FADS6: variants seen among roughly 807,000 people sequenced by gnomAD.
FADS6 encodes fatty acid desaturase domain family, member 6.
Under a neutral mutation model 31.7 loss-of-function variants are expected in FADS6, and 28 were observed. The observed-to-expected ratio is 0.88, with a 90% confidence interval of 0.66 to 1.21. The LOEUF (loss-of-function observed/expected upper bound fraction) is 1.21, where lower values mean the gene tolerates loss of function less well. Ranked by LOEUF, FADS6 falls within the 50% of genes most tolerant of loss-of-function variation. The pLI, the probability that FADS6 is intolerant of heterozygous loss-of-function variation, is 0.00. For synonymous variants in FADS6, 191 were observed against 213.1 expected (o/e 0.90, Z 0.90); for missense variants, 494 against 504.2 (o/e 0.98, Z 0.19).
In FADS6 at chr17:74,879,490, G is replaced by A; in HGVS notation, c.874C>T (p.Leu292=). ...GVLNLARLPV[L]DWAFGHSIIS... is the part of the protein sequence containing the mutation. ...ATCGAGTGGCCGAACGCCCAGTCCAGCACGGGCAGCCGGGCCAGGTTAAGC... is the reference window on the plus strand; with the variant it reads ...ATCGAGTGGCCGAACGCCCAGTCCAACACGGGCAGCCGGGCCAGGTTAAGC... Residue 292 remains leucine (L), a synonymous_variant, in exon 5 of 6, where the codon CTG becomes TTG. Coordinates refer to ENST00000612771, the MANE Select transcript of FADS6 (RefSeq NM_178128.6). 1 of 1,613,900 alleles carries A rather than the reference G, an allele frequency of 6.2e-7. No homozygotes were observed. Among genetic ancestry groups the A allele is most frequent in the African/African-American group, 1.3e-5 (1 of 75,028 alleles).
chr17:74,892,748 A>G (rs1455984327), intron 1 of FADS6, 59 bp from the exon 2 acceptor site: 6 of 1,505,174 alleles, frequency 4.0e-6, no homozygotes, highest in Non-Finnish European at 5.4e-6. Flanking sequence ...TCTGGGCCCA[A>G]ATACCTCAAC....
intron 1 of FADS6, 148 bp from the exon 2 acceptor site, chr17:74,892,837 G>A (rs1296877188): frequency 1.3e-6 from 1 of 766,968 alleles, no homozygotes; most frequent in African/African-American, 1.8e-5. Context: ...GTCCCACTGT[G>A]GCCTGAGGGG....
chr17:74,893,515 A>T lies in FADS6; in HGVS notation c.81T>A (p.Pro27=). ...EPMEPTEPME[P]TEPMEPARSA... ...TCCGCGCCGGTTCCATGGGCTCCGTAGGTTCCATGGGCTCCGTAGGTTCCA... is the reference window on the plus strand; with the variant it reads ...TCCGCGCCGGTTCCATGGGCTCCGTTGGTTCCATGGGCTCCGTAGGTTCCA... The change falls in exon 1 of 6, where the codon CCT becomes CCA. Residue 27 remains proline (P), a synonymous_variant. Coordinates refer to ENST00000612771, the MANE Select transcript of FADS6 (RefSeq NM_178128.6). 1 of 1,558,928 alleles carries T rather than the reference A, an allele frequency of 6.4e-7. No individual in the cohort carries two copies. Among genetic ancestry groups the T allele is most frequent in the Non-Finnish European group, 8.7e-7 (1 of 1,155,224 alleles).
chr17:74,881,776 G>A (rs34341432), intron 3 of FADS6, among the ~76,000 whole-genome samples: 14,759 of 150,200 alleles, frequency 0.098, 1,178 homozygotes, highest in African/African-American at 0.23. Context: ...AAGAAACAAA[G>A]AAAGAAACAG....
intron 3 of FADS6, among the ~76,000 whole-genome samples, chr17:74,882,243 A>G (rs1189711016): frequency 6.6e-6 from 1 of 152,182 alleles, no homozygotes; most frequent in Non-Finnish European, 1.5e-5. Flanking sequence ...GACCCTGCAA[A>G]ACATTTTTAT....
rs1416494041 is a variant in FADS6, at chr17:74,877,568, C to T, written c.*763G>A. On this transcript the variant is annotated 3_prime_UTR_variant, in exon 6 of 6. Transcript: ENST00000612771. ...CAGGGTGGTCTCGAGCTCCTGATCTCGCGATCCACCCGCCTTGGCCTCCCA... is the reference window on the plus strand; with the variant it reads ...CAGGGTGGTCTCGAGCTCCTGATCTTGCGATCCACCCGCCTTGGCCTCCCA... 1.5e-5 allele frequency: 7 copies of T among 456,690 alleles called. No homozygotes were observed. Among genetic ancestry groups the T allele is most frequent in the South Asian group, 9.2e-5 (1 of 10,836 alleles). 28.3% of individuals were successfully genotyped at this position (456,690 alleles called of 1,614,324 possible). A position where few individuals can be genotyped will look rare whatever the true frequency, so the allele number is the denominator to read the frequency against.
In FADS6 at chr17:74,878,323, C is replaced by G; in HGVS notation, c.*8G>C. 6.2e-7 allele frequency: 1 copy of G among 1,611,342 alleles called. No individual in the cohort carries two copies. The highest frequency in any genetic ancestry group is 1.1e-5 in the South Asian group (1 of 90,670). ...GAGGGGCAGGGTGGCTGCACCGGCC[C>G]GGCCTCATTACAGCCCCACAAGCTC... On this transcript the variant is annotated 3_prime_UTR_variant, in exon 6 of 6. Transcript: ENST00000612771.
At chr17:74,881,012 GC>G in intron 4 of FADS6, 55 bp downstream of exon 4, 1 of 1,525,818 alleles carries the variant, frequency 6.6e-7, no homozygotes. Flanking sequence ...TGTGATCAGG[GC>G]CCCTGGAGAA....
At position 74,881,211 on chromosome 17, in the gene FADS6, C is replaced by G. The variant is rs1182307103; in HGVS notation, c.637G>C (p.Ala213Pro). The G allele has an allele frequency of 2.5e-6, 4 of 1,609,264 alleles. No individual in the cohort carries two copies. In the Admixed American group the frequency reaches 6.8e-5, roughly 27 times the overall value. The part of the protein sequence containing the change: ...VELGTALRTL[A>P]LISLGLYSHY... ...GAATAAAGGCCCAGAGAAATCAGGGCCAGCGTCCGCAGGGCTGTCCCGAGC... is the reference window on the plus strand; with the variant it reads ...GAATAAAGGCCCAGAGAAATCAGGGGCAGCGTCCGCAGGGCTGTCCCGAGC... Residue 213 changes from alanine (A) to proline (P), a missense_variant, in exon 4 of 6, where the codon GCC becomes CCC. By Grantham distance (27) the Ala-to-Pro change is conservative. Coordinates refer to ENST00000612771, the MANE Select transcript of FADS6 (RefSeq NM_178128.6).
rs1450690362 is a variant in FADS6, at chr17:74,881,082, C to CGTGGAGGTAGGG, written c.754_765dup (p.Pro252_His255dup). On this transcript the variant is annotated inframe_insertion, in exon 4 of 6. Transcript: ENST00000612771. ...GGTGGCCTCACCTGGAAGATGTTGA[C>CGTGGAGGTAGGG]GTGGAGGTAGGGGTGGGCCAACAGG... is the stretch of plus-strand genomic sequence containing the variant. 2.5e-6 allele frequency: 4 copies of CGTGGAGGTAGGG among 1,612,564 alleles called. No homozygotes were observed. Among genetic ancestry groups the CGTGGAGGTAGGG allele is most frequent in the Non-Finnish European group, 3.4e-6 (4 of 1,179,394 alleles).
At chr17:74,883,388 G>A (rs2038593973) in intron 2 of FADS6, among the ~76,000 whole-genome samples, 2 of 152,212 alleles carry the variant, frequency 1.3e-5, no homozygotes, top group African/African-American at 4.8e-5. Context: ...ACATGCAAAT[G>A]GTATGCAGAT....
chr17:74,893,603 G>A lies in FADS6; in HGVS notation c.-8C>T, dbSNP rs1274273531. On this transcript the variant is annotated 5_prime_UTR_variant, in exon 1 of 6. Coordinates refer to ENST00000612771, the MANE Select transcript of FADS6 (RefSeq NM_178128.6). ...CGGCTCCGTGGGTTCCATGGACTCT[G>A]TGGGCTCGGGCCCGACGCGCACGGA... 12 of 1,362,996 alleles carry A rather than the reference G, an allele frequency of 8.8e-6. No homozygotes were observed. Among genetic ancestry groups the A allele is most frequent in the Admixed American group, 7.4e-5 (2 of 26,852 alleles). 84.4% of individuals were successfully genotyped at this position (1,362,996 alleles called of 1,614,324 possible).
At chr17:74,879,057 TGAG>T in intron 5 of FADS6, 1 of 118,450 alleles carries the variant, frequency 8.4e-6, no homozygotes. Context: ...TTTTTTTTTT[TGAG>T]ACAGGGTCTT....
downstream of FADS6, chr17:74,877,216 C>A (rs945867892): frequency 6.6e-6 from 1 of 152,404 alleles, no homozygotes; most frequent in East Asian, 1.9e-4. Flanking sequence ...CTTCTCTCTC[C>A]CAGTAGATGA....
rs2038525018 is a variant in FADS6 at position 74,878,043 on chromosome 17, G to C, written c.*288C>G. The C allele has an allele frequency of 5.0e-6, 6 of 1,192,258 alleles. No individual in the cohort carries two copies. The highest frequency in any genetic ancestry group is 3.3e-4 in the Middle Eastern group (1 of 2,994). 73.9% of individuals were successfully genotyped at this position (1,192,258 alleles called of 1,614,324 possible). ...TACCAAGGCTCAGATGGAGCAGGGG[G>C]AAGGACCCAGCTCTTTAGTCCTGAG... On this transcript the variant is annotated 3_prime_UTR_variant, in exon 6 of 6. Transcript: ENST00000612771.
chr17:74,891,300 A>G (rs1400821630), intron 2 of FADS6, among the ~76,000 whole-genome samples: 1 of 151,802 alleles, frequency 6.6e-6, no homozygotes, highest in Middle Eastern at 3.2e-3. Context: ...GGCCTCCCAA[A>G]GTGCTGGGAT....
intron 1 of FADS6, 121 bp downstream of exon 1, chr17:74,893,231 G>C: frequency 8.7e-7 from 1 of 1,155,584 alleles, no homozygotes; most frequent in Non-Finnish European, 1.2e-6. Context: ...CCCTGCCGCC[G>C]CCAGTCCACT....
At chr17:74,885,935 C>A (rs1268202023) in intron 2 of FADS6, among the ~76,000 whole-genome samples, 1 of 152,130 alleles carries the variant, frequency 6.6e-6, no homozygotes. Context: ...AGGCAGATCA[C>A]TTGAGGTCAA....
rs779860903 is a variant in FADS6, at chr17:74,893,505, T to TGGGCTCCGTAGGTTCCAC, written c.90_91insGTGGAACCTACGGAGCCC (p.Pro30_Met31insValGluProThrGluPro). ...CGGTGCGCGCTCCGCGCCGGTTCCATGGGCTCCGTAGGTTCCATGGGCTCC... is the reference window on the plus strand; with the variant it reads ...CGGTGCGCGCTCCGCGCCGGTTCCATGGGCTCCGTAGGTTCCACGGGCTCCGTAGGTTCCATGGGCTCC... On this transcript the variant is annotated inframe_insertion, in exon 1 of 6. Coordinates refer to ENST00000612771, the MANE Select transcript of FADS6 (RefSeq NM_178128.6). 6.4e-7 allele frequency: 1 copy of TGGGCTCCGTAGGTTCCAC among 1,569,744 alleles called. No homozygotes were observed. Among genetic ancestry groups the TGGGCTCCGTAGGTTCCAC allele is most frequent in the Non-Finnish European group, 8.6e-7 (1 of 1,158,432 alleles).
Sources: gnomAD v4.1 joint callset for allele counts (sites outside exome capture counted in the v4.1 genomes callset) on GRCh38, gnomAD v4.1.1 for gene constraint, MANE v1.5 for transcripts, NCBI Gene and HGNC (gene_info 2026-07-23, HGNC 2026-07-21) for gene names.